Variants in TAOK3 observed in about 807,000 individuals in gnomAD.
TAOK3 encodes the protein TAO kinase 3, also known as serine/threonine-protein kinase TAO3.
Under a neutral mutation model 120.4 loss-of-function variants are expected in TAOK3, and 40 were observed. That is an observed-to-expected ratio of 0.33 (90% CI 0.26 to 0.43). The LOEUF (loss-of-function observed/expected upper bound fraction) is 0.43. TAOK3 is among the 20% of genes least tolerant of loss of function. The pLI is 1.00. For synonymous variants in TAOK3, 355 were observed against 387.5 expected (o/e 0.92, Z 0.99); for missense variants, 821 against 1,112.1 (o/e 0.74, Z 3.72).
At chr12:118,206,318 C>A (rs2038308576) in intron 11 of TAOK3, among the ~76,000 whole-genome samples, 1 of 152,224 alleles carries the variant, frequency 6.6e-6, no homozygotes, top group African/African-American at 2.4e-5. Flanking sequence ...CCTGGACTTC[C>A]TATTACATGA....
At chr12:118,194,182 C>T (rs1380507143) in intron 13 of TAOK3, among the ~76,000 whole-genome samples, 5 of 152,072 alleles carry the variant, frequency 3.3e-5, no homozygotes, top group South Asian at 2.1e-4. Flanking sequence ...GGCTCTTATC[C>T]GGTGATGAGA....
At chr12:118,321,299 C>T (rs992476367) in intron 1 of TAOK3, among the ~76,000 whole-genome samples, 3 of 152,102 alleles carry the variant, frequency 2.0e-5, no homozygotes, top group Non-Finnish European at 4.4e-5. Flanking sequence ...CTCACTCTGT[C>T]GCCGAAGCTG....
intron 13 of TAOK3, among the ~76,000 whole-genome samples, chr12:118,194,612 C>CTTTTTTTTTTTTTTTTTTT (rs58866768): frequency 2.0e-5 from 2 of 98,172 alleles, no homozygotes; most frequent in Non-Finnish European, 2.1e-5. Context: ...AAGGACATTT[C>CTTTTTTTTTTTTTTTTTTT]TTTTTTTTTT....
At chr12:118,264,912 T>C (rs536215171) in intron 2 of TAOK3, among the ~76,000 whole-genome samples, 1 of 151,300 alleles carries the variant, frequency 6.6e-6, no homozygotes, top group Non-Finnish European at 1.5e-5. Context: ...TGCATGCCTG[T>C]AATCCCAGCT....
intron 1 of TAOK3, among the ~76,000 whole-genome samples, chr12:118,343,804 A>G (rs1162538722): frequency 6.6e-6 from 1 of 152,022 alleles, no homozygotes; most frequent in Non-Finnish European, 1.5e-5. Flanking sequence ...CGAGGTCAGG[A>G]GATCGAGACC....
intron 1 of TAOK3, among the ~76,000 whole-genome samples, chr12:118,310,993 T>C (rs1468700621): frequency 6.6e-6 from 1 of 152,242 alleles, no homozygotes; most frequent in Non-Finnish European, 1.5e-5. Context: ...CTACAAAGTT[T>C]GTGTAGATAT....
rs146299764 is a variant in TAOK3 at position 118,171,545 on chromosome 12, C to T, written c.1899+912G>A. On this transcript the variant is annotated intron_variant, in intron 17 of 20. Coordinates refer to ENST00000392533, the MANE Select transcript of TAOK3 (RefSeq NM_016281.4). ...GTAATTTTTGTATTTTTAGTAGAGA[C>T]GGGGTTTCACCATGTTGGCCAGGTT... 8.7e-3 allele frequency among the ~76,000 whole-genome samples: 1,316 copies of T among 152,130 alleles called. 12 individuals are homozygous for T. Among genetic ancestry groups the T allele is most frequent in the African/African-American group, 0.029 (1,207 of 41,504 alleles).
chr12:118,184,794 TGTG>T (rs1299514179), intron 14 of TAOK3, among the ~76,000 whole-genome samples: 4 of 152,226 alleles, frequency 2.6e-5, no homozygotes, highest in Admixed American at 2.6e-4. Context: ...CAGTGGATTG[TGTG>T]GAGAAAAACC....
intron 1 of TAOK3, among the ~76,000 whole-genome samples, chr12:118,291,604 A>G (rs1277361936): frequency 2.0e-5 from 3 of 152,156 alleles, no homozygotes; most frequent in Non-Finnish European, 2.9e-5. Flanking sequence ...GAAGTTCATT[A>G]CTTTATTAAA....
chr12:118,229,236 G>A (rs986129409), intron 9 of TAOK3, among the ~76,000 whole-genome samples: 1 of 151,954 alleles, frequency 6.6e-6, no homozygotes, highest in African/African-American at 2.4e-5. Flanking sequence ...TAGTAGCTGG[G>A]ATTATAGGCG....
chr12:118,297,241 G>A (rs527766398), intron 1 of TAOK3: 1 of 152,240 alleles, frequency 6.6e-6, no homozygotes, highest in East Asian at 1.9e-4. Context: ...TTTAAACAAA[G>A]AGGTTTTGAA....
At chr12:118,181,912 C>T (rs1306850438) in intron 14 of TAOK3, among the ~76,000 whole-genome samples, 4 of 152,130 alleles carry the variant, frequency 2.6e-5, no homozygotes, top group African/African-American at 9.7e-5. Flanking sequence ...AGGCCGGGCA[C>T]GATGGCTTAC....
intron 1 of TAOK3, among the ~76,000 whole-genome samples, chr12:118,270,420 CTACT>C (rs1450710648): frequency 6.6e-6 from 1 of 152,148 alleles, no homozygotes; most frequent in African/African-American, 2.4e-5. Context: ...CAAAATCTCA[CTACT>C]TCCTATGGGA....
At chr12:118,217,781 G>A (rs1162126998) in intron 9 of TAOK3, among the ~76,000 whole-genome samples, 28 of 105,760 alleles carry the variant, frequency 2.6e-4, no homozygotes, top group African/African-American at 7.3e-4. Flanking sequence ...ATGTATATAT[G>A]TATATGTATG....
In TAOK3 at chr12:118,335,537, A is replaced by T. The variant is rs374425069; in HGVS notation, c.-194+37111T>A. ...GAAAATTTTTACCAAATATTAAAGAAGAATTAACACAGCCAGGCATGGTGT... is the reference window on the plus strand; with the variant it reads ...GAAAATTTTTACCAAATATTAAAGATGAATTAACACAGCCAGGCATGGTGT... On this transcript the variant is annotated intron_variant, in intron 1 of 20. Coordinates refer to ENST00000392533, the MANE Select transcript of TAOK3 (RefSeq NM_016281.4). 5.3e-5 allele frequency among the ~76,000 whole-genome samples: 8 copies of T among 152,052 alleles called. No homozygotes were observed. The East Asian group carries it at 1.5e-3, about 29-fold the overall frequency.
intron 1 of TAOK3, among the ~76,000 whole-genome samples, chr12:118,341,598 A>C (rs1413816506): frequency 1.3e-5 from 2 of 152,226 alleles, no homozygotes; most frequent in Non-Finnish European, 2.9e-5. Flanking sequence ...ACACATGATC[A>C]AGTTAAGTAC....
At chr12:118,366,238 T>C (rs1436719204) in intron 1 of TAOK3, among the ~76,000 whole-genome samples, 2 of 152,036 alleles carry the variant, frequency 1.3e-5, no homozygotes, top group African/African-American at 4.8e-5. Flanking sequence ...CACTCCAGCC[T>C]GAGCGAAAGA....
intron 2 of TAOK3, among the ~76,000 whole-genome samples, chr12:118,265,063 G>A (rs1392396958): frequency 3.3e-5 from 5 of 151,820 alleles, no homozygotes; most frequent in Non-Finnish European, 5.9e-5. Flanking sequence ...ATTAAATGAA[G>A]TAGAGAAAAA....
At chr12:118,266,122 T>G (rs2041434864) in intron 2 of TAOK3, among the ~76,000 whole-genome samples, 1 of 152,090 alleles carries the variant, frequency 6.6e-6, no homozygotes, top group Admixed American at 6.6e-5. Flanking sequence ...ACCAAATAAT[T>G]CTCTATATTG....
Sources: allele counts gnomAD v4.1 joint callset (sites outside exome capture counted in the v4.1 genomes callset), GRCh38; gene constraint gnomAD v4.1.1; transcripts MANE v1.5; gene names NCBI Gene and HGNC (gene_info 2026-07-23, HGNC 2026-07-21).